LEKR1: variants seen among roughly 807,000 people sequenced by gnomAD.
LEKR1 encodes the protein protein LEKR1.
Under a neutral mutation model 72.4 loss-of-function variants are expected in LEKR1, and 59 were observed. The ratio of observed to expected loss-of-function variants is 0.82; its 90% CI spans 0.66 to 1.01. The LOEUF is 1.01. Among genes scored for constraint, LEKR1 ranks in the 50% least tolerant of loss-of-function variants. LEKR1 has a pLI of 0.00. For synonymous variants in LEKR1, 257 were observed against 263.2 expected (o/e 0.98, Z 0.23); for missense variants, 728 against 759.2 (o/e 0.96, Z 0.48).
intron 9 of LEKR1, among the ~76,000 whole-genome samples, chr3:156,997,906 T>C (rs973526784): frequency 6.6e-6 from 1 of 152,050 alleles, no homozygotes; most frequent in Admixed American, 6.6e-5. Flanking sequence ...GCTGAGGAAG[T>C]GAAAGGTAGG....
At chr3:157,017,963 A>AAAAAG (rs1262358307) in intron 10 of LEKR1, among the ~76,000 whole-genome samples, 13 of 86,094 alleles carry the variant, frequency 1.5e-4, no homozygotes, top group African/African-American at 5.0e-4. Context: ...AAAAAAAAAA[A>AAAAAG]AAAAAAAAAG....
chr3:156,992,735 G>T lies in LEKR1; in HGVS notation c.905+5G>T. On this transcript the variant is annotated splice_donor_5th_base_variant and intron_variant, in intron 8 of 12. Coordinates refer to ENST00000356539, the MANE Select transcript of LEKR1 (RefSeq NM_001004316.3). ...ATCCATTATTTCTGAGTCACAGTAT[G>T]CATTACCAATTTTTAAATTTATATT... The T allele has an allele frequency of 1.2e-6, 1 of 823,756 alleles. No homozygotes were observed. The highest frequency in any genetic ancestry group is 1.6e-6 in the Non-Finnish European group (1 of 642,148). 51.0% of individuals were successfully genotyped at this position (823,756 alleles called of 1,614,324 possible).
chr3:157,020,415 C>T (rs1462687085), intron 10 of LEKR1, among the ~76,000 whole-genome samples: 1 of 124,484 alleles, frequency 8.0e-6, no homozygotes. Flanking sequence ...TCTCCTAATG[C>T]TATCCCTCCC....
At chr3:156,853,007 C>G (rs1024736162) in intron 3 of LEKR1, 25 bp downstream of exon 3, 2 of 1,452,796 alleles carry the variant, frequency 1.4e-6, no homozygotes, top group African/African-American at 1.4e-5. Context: ...TCTTTTCTAT[C>G]ATTTATTTAG....
intron 3 of LEKR1, among the ~76,000 whole-genome samples, chr3:156,908,819 A>G (rs1722804079): frequency 6.6e-6 from 1 of 152,148 alleles, no homozygotes; most frequent in Non-Finnish European, 1.5e-5. Context: ...TCATAACACT[A>G]AGAATATTCA....
intron 6 of LEKR1, among the ~76,000 whole-genome samples, chr3:156,949,395 C>T (rs1726958526): frequency 1.3e-5 from 2 of 151,574 alleles, no homozygotes; most frequent in Non-Finnish European, 3.0e-5. Flanking sequence ...GCCAGTTATC[C>T]CAGCACCGTT....
chr3:157,037,542 G>A (rs1396746074), intron 12 of LEKR1, among the ~76,000 whole-genome samples: 1 of 152,084 alleles, frequency 6.6e-6, no homozygotes, highest in Non-Finnish European at 1.5e-5. Context: ...AGACAAAGCA[G>A]ATTCTAGCTT....
chr3:156,855,058 T>A (rs1715879020), intron 3 of LEKR1, among the ~76,000 whole-genome samples: 1 of 152,196 alleles, frequency 6.6e-6, no homozygotes, highest in Non-Finnish European at 1.5e-5. Context: ...ATAATTTACT[T>A]AATCAATTTT....
intron 12 of LEKR1, among the ~76,000 whole-genome samples, chr3:157,037,979 T>G (rs141073096): frequency 6.6e-6 from 1 of 152,186 alleles, no homozygotes; most frequent in African/African-American, 2.4e-5. Flanking sequence ...GAAACCAAGG[T>G]TGAAGGGCCA....
chr3:156,943,447 C>T (rs755824017), intron 6 of LEKR1, among the ~76,000 whole-genome samples: 7 of 151,844 alleles, frequency 4.6e-5, no homozygotes, highest in Non-Finnish European at 8.8e-5. Context: ...GTTCTCATAA[C>T]GACCATGAAA....
intron 6 of LEKR1, among the ~76,000 whole-genome samples, chr3:156,949,448 T>G (rs1478509926): frequency 6.6e-6 from 1 of 151,790 alleles, no homozygotes; most frequent in East Asian, 1.9e-4. Flanking sequence ...TTTTGTCAGC[T>G]TTATCAAAGA....
chr3:156,887,835 C>T (rs998001786), intron 3 of LEKR1, among the ~76,000 whole-genome samples: 3 of 152,136 alleles, frequency 2.0e-5, no homozygotes, highest in Non-Finnish European at 4.4e-5. Flanking sequence ...TTAGCTCACT[C>T]ATTCATTCTT....
At chr3:156,942,485 GA>G in intron 5 of LEKR1, 43 bp from the exon 6 acceptor site, 1 of 634,318 alleles carries the variant, frequency 1.6e-6, no homozygotes, top group Non-Finnish European at 2.3e-6. Flanking sequence ...AATGTTTTAT[GA>G]TTCAATTATT....
chr3:156,981,226 T>C (rs1418497868), intron 7 of LEKR1, among the ~76,000 whole-genome samples: 1 of 152,206 alleles, frequency 6.6e-6, no homozygotes, highest in Non-Finnish European at 1.5e-5. Flanking sequence ...TTTCTTGGAA[T>C]GTACCCCTGT....
At chr3:156,842,377 C>T (rs1437782077) in intron 2 of LEKR1, among the ~76,000 whole-genome samples, 3 of 151,386 alleles carry the variant, frequency 2.0e-5, no homozygotes, top group Non-Finnish European at 4.4e-5. Flanking sequence ...GTTCTGTTAA[C>T]TTTTTATGTT....
At chr3:156,883,421 T>C (rs1161180387) in intron 3 of LEKR1, among the ~76,000 whole-genome samples, 2 of 152,126 alleles carry the variant, frequency 1.3e-5, no homozygotes, top group Non-Finnish European at 2.9e-5. Flanking sequence ...AGTTAAGACT[T>C]TGGGGGACTG....
chr3:156,920,866 G>C, intron 4 of LEKR1, 172 bp downstream of exon 4: 1 of 432,916 alleles, frequency 2.3e-6, no homozygotes, highest in South Asian at 3.7e-5. Flanking sequence ...TCAATGAATA[G>C]TGTTGCTAAT....
intron 3 of LEKR1, among the ~76,000 whole-genome samples, chr3:156,889,543 T>C (rs1720448202): frequency 1.3e-5 from 2 of 152,190 alleles, no homozygotes; most frequent in Non-Finnish European, 2.9e-5. Context: ...TCTGAAAACA[T>C]TTTATGCCCA....
intron 2 of LEKR1, among the ~76,000 whole-genome samples, chr3:156,850,327 C>CTTA (rs1282193725): frequency 3.3e-5 from 5 of 151,936 alleles, no homozygotes; most frequent in Admixed American, 3.3e-4. Flanking sequence ...GCCAAATGCT[C>CTTA]ACATAATAGA....
Sources: allele counts gnomAD v4.1 joint callset (sites outside exome capture counted in the v4.1 genomes callset), GRCh38; gene constraint gnomAD v4.1.1; transcripts MANE v1.5; gene names NCBI Gene and HGNC (gene_info 2026-07-23, HGNC 2026-07-21).